The following MAML2 variants were observed in gnomAD, a reference collection of about 807,000 sequenced individuals.
The protein encoded by MAML2 is mastermind like transcriptional coactivator 2.
Under a neutral mutation model 96.1 loss-of-function variants are expected in MAML2, and 22 were observed. That is an observed-to-expected ratio of 0.23 (90% CI 0.16 to 0.33). The LOEUF (loss-of-function observed/expected upper bound fraction) is 0.33. MAML2 is among the 10% of genes least tolerant of loss of function. The pLI, the probability that MAML2 is intolerant of heterozygous loss-of-function variation, is 1.00. For missense variants in MAML2, 1,367 were observed against 1,392.4 expected, an observed-to-expected ratio of 0.98 and a Z score of 0.29; for synonymous variants, 561 against 521.3, an observed-to-expected ratio of 1.08 and a Z score of -1.04.
intron 2 of MAML2, among the ~76,000 whole-genome samples, chr11:96,080,417 A>G (rs188912109): frequency 6.6e-6 from 1 of 152,372 alleles, no homozygotes; most frequent in East Asian, 1.9e-4. Context: ...TTTTCAAACT[A>G]TATTTACGTG....
intron 2 of MAML2, among the ~76,000 whole-genome samples, chr11:96,032,601 A>AAT (rs1424110408): frequency 6.6e-6 from 1 of 151,996 alleles, no homozygotes; most frequent in African/African-American, 2.4e-5. Flanking sequence ...AAAAAAAAAA[A>AAT]AAAAAGTTAT....
intron 2 of MAML2, among the ~76,000 whole-genome samples, chr11:96,025,632 C>T (rs746471430): frequency 6.6e-6 from 1 of 152,216 alleles, no homozygotes; most frequent in African/African-American, 2.4e-5. Flanking sequence ...CGGCTCACTG[C>T]AACCTCCACC....
At chr11:95,995,060 A>G (rs1009039006) in intron 2 of MAML2, among the ~76,000 whole-genome samples, 1 of 152,228 alleles carries the variant, frequency 6.6e-6, no homozygotes, top group African/African-American at 2.4e-5. Flanking sequence ...ACCACGTAGT[A>G]AGCACTTACT....
chr11:96,219,114 T>C (rs142133922), intron 1 of MAML2, among the ~76,000 whole-genome samples: 5 of 152,306 alleles, frequency 3.3e-5, no homozygotes, highest in African/African-American at 1.2e-4. Flanking sequence ...CAGTGGAGAT[T>C]AACCAGTCCC....
chr11:96,090,660 C>G (rs1386730325), intron 2 of MAML2, among the ~76,000 whole-genome samples: 1 of 152,136 alleles, frequency 6.6e-6, no homozygotes, highest in Non-Finnish European at 1.5e-5. Context: ...ACTCCAAGTC[C>G]ATTCTCCAAA....
At chr11:96,340,687 A>G (rs1863980469) in intron 1 of MAML2, among the ~76,000 whole-genome samples, 1 of 152,132 alleles carries the variant, frequency 6.6e-6, no homozygotes, top group Non-Finnish European at 1.5e-5. Flanking sequence ...GCTCTAAGGG[A>G]GCATTACTGG....
At chr11:96,078,352 A>G (rs1859476552) in intron 2 of MAML2, among the ~76,000 whole-genome samples, 1 of 152,224 alleles carries the variant, frequency 6.6e-6, no homozygotes, top group African/African-American at 2.4e-5. Context: ...TAGTTCAATC[A>G]TAGATAGTTC....
chr11:96,043,949 A>G (rs1174074756), intron 2 of MAML2, among the ~76,000 whole-genome samples: 2 of 152,272 alleles, frequency 1.3e-5, no homozygotes, highest in African/African-American at 4.8e-5. Context: ...TAAAATAAGT[A>G]GATGAAGGTA....
chr11:96,067,590 G>GTT (rs5793775), intron 2 of MAML2, among the ~76,000 whole-genome samples: 50 of 150,132 alleles, frequency 3.3e-4, no homozygotes, highest in East Asian at 3.9e-4. Context: ...ATCCCATTTG[G>GTT]TTTTTTTTTT....
At chr11:96,181,431 C>A (rs1004374849) in intron 1 of MAML2, among the ~76,000 whole-genome samples, 1 of 152,162 alleles carries the variant, frequency 6.6e-6, no homozygotes, top group Non-Finnish European at 1.5e-5. Flanking sequence ...AACTTAAAAT[C>A]TCTGCCTTTC....
intron 1 of MAML2, among the ~76,000 whole-genome samples, chr11:96,281,680 G>C (rs982677266): frequency 4.0e-5 from 6 of 151,896 alleles, no homozygotes; most frequent in African/African-American, 1.5e-4. Context: ...GATCAGTATG[G>C]GCAACATGGC....
intron 2 of MAML2, among the ~76,000 whole-genome samples, chr11:96,025,656 C>T (rs543940239): frequency 3.6e-4 from 55 of 152,284 alleles, no homozygotes; most frequent in Admixed American, 2.5e-3. Flanking sequence ...CGGGTTCAAG[C>T]GATTCTCCTG....
chr11:96,265,716 T>C (rs1862815954), intron 1 of MAML2, among the ~76,000 whole-genome samples: 1 of 152,162 alleles, frequency 6.6e-6, no homozygotes, highest in Non-Finnish European at 1.5e-5. Flanking sequence ...TGAGTGGAAC[T>C]CACCAGCAGG....
At position 96,161,379 on chromosome 11, in the gene MAML2, T is replaced by A. The variant is rs1178130164; in HGVS notation, c.514-67862A>T. Among the ~76,000 whole-genome samples the A allele has an allele frequency of 2.0e-5, 3 of 152,232 alleles. No homozygotes were observed. In the East Asian group the frequency reaches 5.8e-4, roughly 29 times the overall value. ...ACCTCATCTCATAAATCTCATTCCC[T>A]GCTAGTATGACTACTTGAGCAGAAC... On this transcript the variant is annotated intron_variant, in intron 1 of 4. Transcript: ENST00000524717.
At chr11:96,320,692 ATG>A (rs1863688146) in intron 1 of MAML2, among the ~76,000 whole-genome samples, 1 of 152,214 alleles carries the variant, frequency 6.6e-6, no homozygotes, top group East Asian at 1.9e-4. Flanking sequence ...TGAGGTAGAG[ATG>A]TGTGTGTGTT....
chr11:96,164,057 T>C lies in MAML2; in HGVS notation c.514-70540A>G, dbSNP rs58881127. ...TTTTGTTTTTTTTTGGTATTTTTAG[T>C]AAAGATGGGGATTTCACCATGTTGG... is the stretch of plus-strand genomic sequence containing the variant. On this transcript the variant is annotated intron_variant, in intron 1 of 4. Transcript: ENST00000524717. Among the ~76,000 whole-genome samples, 932 of 151,774 alleles carry C rather than the reference T, an allele frequency of 6.1e-3. 11 individuals carry two copies. Among genetic ancestry groups the C allele is most frequent in the African/African-American group, 0.021 (888 of 41,330 alleles).
intron 1 of MAML2, among the ~76,000 whole-genome samples, chr11:96,165,387 C>T (rs1195685018): frequency 6.6e-6 from 1 of 152,110 alleles, no homozygotes; most frequent in African/African-American, 2.4e-5. Flanking sequence ...GTTGGTCTGG[C>T]AAACACACTT....
chr11:95,977,997 G>A lies in MAML2; in HGVS notation c.*951C>T, dbSNP rs995486063. On this transcript the variant is annotated 3_prime_UTR_variant, in exon 5 of 5. Transcript: ENST00000524717. ...CCAAACTTCCTTTTCTTATAAACCA[G>A]CCTCAGTCATCAAAATGAGTAGGGA... 1 of 220,628 alleles carries A rather than the reference G, an allele frequency of 4.5e-6. No individual in the cohort carries two copies. The highest frequency in any genetic ancestry group is 9.1e-6 in the Non-Finnish European group (1 of 110,204). The allele number at this position is 220,628 out of a possible 1,614,324, so 13.7% of individuals were successfully genotyped here.
chr11:96,135,173 T>C (rs1860608654), intron 1 of MAML2, among the ~76,000 whole-genome samples: 1 of 152,146 alleles, frequency 6.6e-6, no homozygotes, highest in African/African-American at 2.4e-5. Flanking sequence ...TGGGCGTGGG[T>C]TCCTAATAAA....
Sources: allele counts gnomAD v4.1 joint callset (sites outside exome capture counted in the v4.1 genomes callset), GRCh38; gene constraint gnomAD v4.1.1; transcripts MANE v1.5; gene names NCBI Gene and HGNC (gene_info 2026-07-23, HGNC 2026-07-21).